MTMR12: variants seen among roughly 807,000 people sequenced by gnomAD.
MTMR12 encodes the protein myotubularin-related protein 12.
A neutral mutation model predicts 96.7 loss-of-function variants in MTMR12; 33 were observed. The observed-to-expected ratio is 0.34, with a 90% confidence interval of 0.26 to 0.46. The LOEUF (loss-of-function observed/expected upper bound fraction) is 0.46, where lower values mean the gene tolerates loss of function less well. Among genes scored for constraint, MTMR12 ranks in the 20% least tolerant of loss-of-function variants. MTMR12 has a pLI of 1.00. For missense variants in MTMR12, 721 were observed against 896.1 expected (o/e 0.80, Z 2.49); for synonymous variants, 298 against 327.2 (o/e 0.91, Z 0.96).
intron 15 of MTMR12, among the ~76,000 whole-genome samples, chr5:32,231,080 T>G (rs1436706485): frequency 6.6e-6 from 1 of 152,086 alleles, no homozygotes; most frequent in East Asian, 1.9e-4. Context: ...AGTATTATAT[T>G]TGGGGGTGCA....
At chr5:32,297,877 G>A (rs1006309064) in intron 1 of MTMR12, among the ~76,000 whole-genome samples, 9 of 152,160 alleles carry the variant, frequency 5.9e-5, no homozygotes, top group African/African-American at 2.2e-4. Flanking sequence ...TATTATCGGT[G>A]AACCACACCC....
At chr5:32,258,654 C>T (rs1201396356) in intron 7 of MTMR12, among the ~76,000 whole-genome samples, 2 of 152,148 alleles carry the variant, frequency 1.3e-5, no homozygotes, top group Non-Finnish European at 2.9e-5. Context: ...CGATTAGACA[C>T]ACATTAAATG....
chr5:32,288,752 C>T (rs1351148892), intron 1 of MTMR12, among the ~76,000 whole-genome samples: 4 of 152,114 alleles, frequency 2.6e-5, no homozygotes, highest in Admixed American at 2.6e-4. Context: ...GCTTGGTTAG[C>T]TGAAATATGG....
rs370719516 is a variant in MTMR12, at chr5:32,291,212, G to A, written c.82-14470C>T. Among the ~76,000 whole-genome samples, 12 of 152,334 alleles carry A rather than the reference G, an allele frequency of 7.9e-5. No homozygotes were observed. The East Asian group carries it at 2.1e-3, about 27-fold the overall frequency. On this transcript the variant is annotated intron_variant, in intron 1 of 15. Coordinates refer to ENST00000382142, the MANE Select transcript of MTMR12 (RefSeq NM_001040446.3). ...GCCTGGTTCACAGATGGTTCTGCAA[G>A]ACATGCAGGCACCACCAAAAGTGGA...
intron 1 of MTMR12, among the ~76,000 whole-genome samples, chr5:32,298,216 T>C (rs1750998540): frequency 6.6e-6 from 1 of 151,948 alleles, no homozygotes; most frequent in Non-Finnish European, 1.5e-5. Flanking sequence ...GCTCTTGTGG[T>C]AGGTGGTTGC....
At chr5:32,231,414 T>C (rs1019145122) in intron 15 of MTMR12, among the ~76,000 whole-genome samples, 2 of 142,806 alleles carry the variant, frequency 1.4e-5, no homozygotes, top group African/African-American at 5.4e-5. Flanking sequence ...TTGTAAAAGA[T>C]GGATGTGGTC....
intron 1 of MTMR12, among the ~76,000 whole-genome samples, chr5:32,283,370 A>G (rs912128596): frequency 6.6e-6 from 1 of 152,200 alleles, no homozygotes; most frequent in Non-Finnish European, 1.5e-5. Flanking sequence ...GAATAATAAC[A>G]AACATTTCTT....
chr5:32,278,032 A>G (rs1750128916), intron 1 of MTMR12, among the ~76,000 whole-genome samples: 1 of 152,240 alleles, frequency 6.6e-6, no homozygotes, highest in Non-Finnish European at 1.5e-5. Flanking sequence ...CTCAGTAAAA[A>G]TATATTCAAA....
chr5:32,308,512 G>C (rs111392157), intron 1 of MTMR12, among the ~76,000 whole-genome samples: 22 of 152,040 alleles, frequency 1.4e-4, no homozygotes, highest in Admixed American at 1.4e-3. Context: ...GCCATGCCTC[G>C]ATGTTGCTCA....
At chr5:32,287,147 C>A (rs1389176839) in intron 1 of MTMR12, among the ~76,000 whole-genome samples, 1 of 152,178 alleles carries the variant, frequency 6.6e-6, no homozygotes, top group Non-Finnish European at 1.5e-5. Context: ...TAGTTCCAGG[C>A]AGAATGGCCA....
chr5:32,243,699 T>A, intron 10 of MTMR12, 100 bp from the exon 11 acceptor site: 1 of 706,356 alleles, frequency 1.4e-6, no homozygotes, highest in East Asian at 2.6e-5. Context: ...AGATTAACAG[T>A]CCTGACTCAA....
intron 1 of MTMR12, among the ~76,000 whole-genome samples, chr5:32,296,984 T>C (rs1750954502): frequency 6.6e-6 from 1 of 151,312 alleles, no homozygotes; most frequent in African/African-American, 2.4e-5. Flanking sequence ...GCGCCTGTAG[T>C]CCCAGCTACT....
At chr5:32,258,376 G>A (rs4507504) in intron 7 of MTMR12, among the ~76,000 whole-genome samples, 58,563 of 151,954 alleles carry the variant, frequency 0.39, 11,472 homozygotes, top group East Asian at 0.5. Flanking sequence ...AAACCTCTCC[G>A]CAGATCAACT....
chr5:32,277,888 A>C (rs757894215), intron 1 of MTMR12, among the ~76,000 whole-genome samples: 2 of 152,196 alleles, frequency 1.3e-5, no homozygotes, highest in African/African-American at 2.4e-5. Context: ...CAGCTAATCT[A>C]CAGCACACCA....
At position 32,228,566 on chromosome 5, in the gene MTMR12, T is replaced by TC. The variant is rs1747837416; in HGVS notation, c.*1211_*1212insG. On this transcript the variant is annotated 3_prime_UTR_variant, in exon 16 of 16. Coordinates refer to ENST00000382142, the MANE Select transcript of MTMR12 (RefSeq NM_001040446.3). ...ATATCATATATATGTGATATATATA[T>TC]ATCATATATATATCATATATATGTG... 6 of 129,474 alleles carry TC rather than the reference T, an allele frequency of 4.6e-5. No individual in the cohort carries two copies. The highest frequency in any genetic ancestry group is 2.1e-4 in the African/African-American group (6 of 27,944). 8.0% of individuals were successfully genotyped at this position (129,474 alleles called of 1,614,324 possible).
chr5:32,311,002 T>C (rs1006528346), intron 1 of MTMR12, among the ~76,000 whole-genome samples: 4 of 151,988 alleles, frequency 2.6e-5, no homozygotes, highest in Admixed American at 6.6e-5. Context: ...GCCTCCCAAG[T>C]AGCTGGGATT....
At chr5:32,285,302 G>A (rs1713017563) in intron 1 of MTMR12, among the ~76,000 whole-genome samples, 2 of 150,552 alleles carry the variant, frequency 1.3e-5, no homozygotes, top group Admixed American at 1.3e-4. Context: ...AGGTTGCAGT[G>A]AGCCAAGAAT....
chr5:32,282,420 AAAAT>A (rs202223564), intron 1 of MTMR12, among the ~76,000 whole-genome samples: 19,153 of 144,884 alleles, frequency 0.13, 1,356 homozygotes, highest in Admixed American at 0.17. Context: ...GACTCCATCT[AAAAT>A]AAATAAATAA....
intron 5 of MTMR12, among the ~76,000 whole-genome samples, chr5:32,269,925 G>A (rs999836386): frequency 1.4e-4 from 22 of 152,152 alleles, no homozygotes; most frequent in Non-Finnish European, 8.8e-5. Flanking sequence ...TGCCTTCTCA[G>A]GAAATTTTCT....
Sources: gnomAD v4.1 joint callset for allele counts (sites outside exome capture counted in the v4.1 genomes callset) on GRCh38, gnomAD v4.1.1 for gene constraint, MANE v1.5 for transcripts, NCBI Gene and HGNC (gene_info 2026-07-23, HGNC 2026-07-21) for gene names.